SLX4: variants seen among roughly 807,000 people sequenced by gnomAD.
SLX4 encodes the protein structure-specific endonuclease subunit SLX4.
SLX4 carries 112 observed loss-of-function variants against 146.2 expected under a neutral mutation model. The observed-to-expected ratio is 0.77, with a 90% CI of 0.66 to 0.90. The LOEUF (loss-of-function observed/expected upper bound fraction) is 0.90. Ranked by LOEUF, SLX4 falls within the 40% of genes least tolerant of loss-of-function variation. The probability of loss-of-function intolerance (pLI) is 0.00; values close to 1 mark genes in which losing one functional copy is unlikely to be tolerated. For missense variants in SLX4, 2,563 were observed against 2,392.7 expected, an observed-to-expected ratio of 1.07 and a Z score of -1.49; for synonymous variants, 1,061 against 997.7, an observed-to-expected ratio of 1.06 and a Z score of -1.20.
At chr16:3,606,753 C>A (rs1205082479) in intron 2 of SLX4, 55 bp from the exon 3 acceptor site, 3 of 1,588,962 alleles carry the variant, frequency 1.9e-6, no homozygotes. Context: ...AAATAAAAGA[C>A]TTTTCTACCA....
At position 3,595,908 on chromosome 16, in the gene SLX4, G is replaced by C. The variant is rs2240883; in HGVS notation, c.1925-215C>G. Among the ~76,000 whole-genome samples, 5,550 of 152,338 alleles carry C rather than the reference G, an allele frequency of 0.036. 187 individuals are homozygous for C. The highest frequency in any genetic ancestry group is 0.12 in the South Asian group (598 of 4,830). ...AAGAGCAAAACAGACAGTTCACCCA[G>C]AGGATTCACTCGCTGTGGGCAGACA... On this transcript the variant is annotated intron_variant, in intron 8 of 14. Transcript: ENST00000294008.
chr16:3,606,596 A>C lies in SLX4; in HGVS notation c.638T>G (p.Met213Arg). The stretch of plus-strand genomic sequence containing the variant: ...GGGGTCTGCTCTCTTGAACTGCTGC[A>C]TTCGCTGTAGGACCAATTGTGCTGT... ...PRTAQLVLQR[M>R]QQFKRADPER... Residue 213 changes from methionine to arginine, a missense_variant, in exon 3 of 15, where the codon ATG (methionine) becomes AGG (arginine). Transcript: ENST00000294008. 6.2e-7 allele frequency: 1 copy of C among 1,614,212 alleles called. No individual in the cohort carries two copies. Among genetic ancestry groups the C allele is most frequent in the Non-Finnish European group, 8.5e-7 (1 of 1,180,038 alleles).
rs370761463 is a variant in SLX4, at chr16:3,590,055, T to C, written c.3583A>G (p.Ile1195Val). 12 of 1,612,834 alleles carry C rather than the reference T, an allele frequency of 7.4e-6. No homozygotes were observed. Among genetic ancestry groups the C allele is most frequent in the African/African-American group, 1.3e-5 (1 of 74,922 alleles). The change falls in exon 12 of 15, where the codon ATT (isoleucine) becomes GTT (valine). Residue 1195 changes from isoleucine (I) to valine (V), a missense_variant. Physicochemically the swap from Ile to Val is conservative, Grantham distance 29. Transcript: ENST00000294008. This position sits in a 1 kb window ranked among gnomAD's most constrained non-coding sequence, Gnocchi z 4.8. ...SPRSCELFSI[I>V]DVDADQEPSQ... ...GGTTCCTGATCTGCATCAACATCAA[T>C]GATGGAAAACAGCTCACAGGACCTA...
Position 3,582,063 on chromosome 16 carries a change from C to A in SLX4, c.*279G>T. The A allele has an allele frequency of 3.9e-6, 2 of 514,626 alleles. No homozygotes were observed. The highest frequency in any genetic ancestry group is 2.7e-5 in the South Asian group (1 of 37,604). The allele number at this position is 514,626 out of a possible 1,614,324, so 31.9% of individuals were successfully genotyped here. On this transcript the variant is annotated 3_prime_UTR_variant, in exon 15 of 15. Transcript: ENST00000294008. ...CTCAAAAAGAAAAAAAAAAAGAAAACCAAAAAGGGAGACACACTGTGAGCA... is the reference window on the plus strand; with the variant it reads ...CTCAAAAAGAAAAAAAAAAAGAAAAACAAAAAGGGAGACACACTGTGAGCA...
chr16:3,598,726 C>T (rs1403404387), intron 5 of SLX4, among the ~76,000 whole-genome samples: 2 of 152,214 alleles, frequency 1.3e-5, no homozygotes, highest in Non-Finnish European at 2.9e-5. Context: ...AAAGCTCATG[C>T]TCTCCAGGGT....
rs117065628 is a variant in SLX4, at chr16:3,594,310, G to A, written c.2160+143C>T. 1.6e-3 allele frequency: 1,930 copies of A among 1,179,458 alleles called. 28 individuals carry two copies. In the East Asian group the frequency reaches 0.037, roughly 23 times the overall value. 73.1% of individuals were successfully genotyped at this position (1,179,458 alleles called of 1,614,324 possible). A position where few individuals can be genotyped will look rare whatever the true frequency, so the allele number is the denominator to read the frequency against. ...AGAAACGGATGGTTGGGAGGGAGAA[G>A]GTGAGAACATGGTGGGGCAGGAAGT... On this transcript the variant is annotated intron_variant, in intron 10 of 14. Transcript: ENST00000294008.
rs2040659194 is a variant in SLX4, at chr16:3,596,354, C to A, written c.1723G>T (p.Glu575Ter). The change falls in exon 8 of 15, where the codon GAG becomes TAG. Residue 575 changes from glutamate (E) to a stop codon, truncating the protein, a stop_gained. Transcript: ENST00000294008. LOFTEE classifies it high-confidence loss of function. ...CTTCGCTCGCTCAGCTCTGAGTGCT[C>A]AGGTGGCACCAGAGGCGGCACGGGC... ...QEPVPPLVPPEHSELSERRSP... is the reference protein window; with the variant it reads ...QEPVPPLVPP 6.3e-7 allele frequency: 1 copy of A among 1,596,548 alleles called. No individual in the cohort carries two copies. Among genetic ancestry groups the A allele is most frequent in the South Asian group, 1.1e-5 (1 of 89,204 alleles).
At chr16:3,605,316 C>G (rs1044116008) in intron 3 of SLX4, among the ~76,000 whole-genome samples, 4 of 152,042 alleles carry the variant, frequency 2.6e-5, no homozygotes, top group Non-Finnish European at 5.9e-5. Flanking sequence ...GTCTCAATCT[C>G]CTGACCTTGT....
Position 3,590,917 on chromosome 16 carries a change from C to T in SLX4, c.2721G>A (p.Glu907=), listed in dbSNP as rs141450907. 1.1e-5 allele frequency: 17 copies of T among 1,614,056 alleles called. No homozygotes were observed. The South Asian group carries it at 1.6e-4, about 16-fold the overall frequency. ...CCTCATCTCTTCCTGGCTCCAACGG[C>T]TCCATCTCCTCCACCTTGTCCCACT... ...QKQWDKVEEM[E]PLEPGRDEAA... is the part of the protein sequence containing the mutation. The change falls in exon 12 of 15, where the codon GAG becomes GAA. Residue 907 remains glutamate (E), a synonymous_variant. Coordinates refer to ENST00000294008, the MANE Select transcript of SLX4 (RefSeq NM_032444.4). This position sits in a 1 kb window ranked among gnomAD's most constrained non-coding sequence, Gnocchi z 4.8.
At chr16:3,607,550 G>A (rs1161064381) in intron 2 of SLX4, among the ~76,000 whole-genome samples, 1 of 152,174 alleles carries the variant, frequency 6.6e-6, no homozygotes, top group Non-Finnish European at 1.5e-5. Context: ...CAGGCACGGT[G>A]GTGGGTGCCT....
chr16:3,604,091 G>A (rs143911551), intron 3 of SLX4, among the ~76,000 whole-genome samples: 83 of 152,024 alleles, frequency 5.5e-4, no homozygotes, highest in African/African-American at 2.0e-3. Context: ...AATTAGCCGG[G>A]TGTGGTGGTG....
intron 4 of SLX4, 76 bp downstream of exon 4, chr16:3,602,042 T>C (rs555994718): frequency 2.6e-6 from 4 of 1,562,582 alleles, no homozygotes; most frequent in Non-Finnish European, 3.5e-6. Flanking sequence ...GGTGTGGAGA[T>C]CCGCACTCCA....
Position 3,583,419 on chromosome 16 carries a change from C to T in SLX4, c.4831G>A (p.Glu1611Lys), listed in dbSNP as rs766110479. The T allele has an allele frequency of 1.4e-5, 23 of 1,613,808 alleles. No individual in the cohort carries two copies. Among genetic ancestry groups the T allele is most frequent in the East Asian group, 4.5e-5 (2 of 44,872 alleles). Residue 1611 changes from glutamate to lysine, a missense_variant, in exon 14 of 15, where the codon GAG becomes AAG. Physicochemically the swap from Glu to Lys is moderately conservative, Grantham distance 56. Transcript: ENST00000294008. ...GGCTGTGAGGACTGGCTCTCGTCCT[C>T]GGAGTCTGAGTCCAGGGTCTGGTGA... ...YTHQTLDSDS[E>K]DESQSSQPLL...
intron 5 of SLX4, chr16:3,600,710 C>T (rs2040717001): frequency 2.7e-6 from 1 of 371,738 alleles, no homozygotes; most frequent in African/African-American, 2.2e-5. Flanking sequence ...AAGTGATTCT[C>T]CTGCCTCAGC....
chr16:3,593,957 C>T lies in SLX4; in HGVS notation c.2160+496G>A, dbSNP rs193205295. Among the ~76,000 whole-genome samples, 619 of 152,202 alleles carry T rather than the reference C, an allele frequency of 4.1e-3. 3 individuals are homozygous for T. The highest frequency in any genetic ancestry group is 0.014 in the African/African-American group (574 of 41,534). On this transcript the variant is annotated intron_variant, in intron 10 of 14. Transcript: ENST00000294008. The stretch of plus-strand genomic sequence containing the variant: ...TGCAATCTCAGCTCATTGGAAGCTC[C>T]GCCTCCCAGGTTCATGCCATTCTCC...
rs556726059 is a variant in SLX4 at position 3,608,419 on chromosome 16, G to C, written c.535+11C>G. The C allele has an allele frequency of 6.2e-7, 1 of 1,614,124 alleles. No homozygotes were observed. Among genetic ancestry groups the C allele is most frequent in the East Asian group, 2.2e-5 (1 of 44,884 alleles). On this transcript the variant is annotated intron_variant, in intron 2 of 14. Coordinates refer to ENST00000294008, the MANE Select transcript of SLX4 (RefSeq NM_032444.4). ...GTTTTCCAGCCCCTGGTTTAAAAGAGTACAAATTACCTCTGGTTTTCTCTC... is the reference window on the plus strand; with the variant it reads ...GTTTTCCAGCCCCTGGTTTAAAAGACTACAAATTACCTCTGGTTTTCTCTC...
At chr16:3,598,785 C>G (rs1325976954) in intron 5 of SLX4, among the ~76,000 whole-genome samples, 2 of 152,222 alleles carry the variant, frequency 1.3e-5, no homozygotes, top group Non-Finnish European at 2.9e-5. Context: ...ATAATCACAG[C>G]CTCCCAGAGG....
At position 3,592,829 on chromosome 16, in the gene SLX4, C is replaced by T. The variant is rs1555450668; in HGVS notation, c.2197G>A (p.Val733Ile). The change falls in exon 11 of 15, where the codon GTT becomes ATT. Residue 733 changes from valine to isoleucine, a missense_variant. Val to Ile is a conservative substitution (Grantham distance 29). Transcript: ENST00000294008. ...NEGFSAVEDG[V>I]LTQRVLLGDV... ...CCCAGCAGGACACGCTGGGTCAGAA[C>T]CCCGTCCTCTACAGCGGAGAAGCCT... The T allele has an allele frequency of 6.2e-7, 1 of 1,612,280 alleles. No individual in the cohort carries two copies.
At chr16:3,598,649 G>T (rs1310356986) in intron 5 of SLX4, among the ~76,000 whole-genome samples, 1 of 152,216 alleles carries the variant, frequency 6.6e-6, no homozygotes, top group African/African-American at 2.4e-5. Context: ...GGGCAGAGGT[G>T]ACAAAGGAAC....
Sources: allele counts gnomAD v4.1 joint callset (sites outside exome capture counted in the v4.1 genomes callset), GRCh38; gene constraint gnomAD v4.1.1; non-coding constraint Gnocchi (gnomAD v3.1); transcripts MANE v1.5; gene names NCBI Gene and HGNC (gene_info 2026-07-23, HGNC 2026-07-21).